BUB1B: variants seen among roughly 807,000 people sequenced by gnomAD.
The protein encoded by BUB1B is BUB1 mitotic checkpoint serine/threonine kinase B, also known as mitotic checkpoint serine/threonine-protein kinase BUB1 beta.
Under a neutral mutation model 137.7 loss-of-function variants are expected in BUB1B, and 86 were observed. The ratio of observed to expected loss-of-function variants is 0.62; its 90% CI spans 0.52 to 0.75. The LOEUF is 0.75. BUB1B is among the 30% of genes least tolerant of loss of function. BUB1B has a pLI of 0.00. For synonymous variants in BUB1B, 420 were observed against 417.9 expected, an observed-to-expected ratio of 1.00 and a Z score of -0.06; for missense variants, 1,130 against 1,236.9, an observed-to-expected ratio of 0.91 and a Z score of 1.30.
intron 20 of BUB1B, among the ~76,000 whole-genome samples, chr15:40,216,794 A>G (rs2140910757): frequency 6.6e-6 from 1 of 151,944 alleles, no homozygotes; most frequent in African/African-American, 2.4e-5. Context: ...CAAAAGGAAC[A>G]CATGAAAACC....
At chr15:40,185,443 G>GT in intron 7 of BUB1B, 64 bp downstream of exon 7, 1 of 1,596,214 alleles carries the variant, frequency 6.3e-7, no homozygotes, top group African/African-American at 1.3e-5. Context: ...GGGTAGAGAA[G>GT]TATTTTTACC....
chr15:40,187,811 G>A (rs1478285117), intron 8 of BUB1B, among the ~76,000 whole-genome samples: 1 of 151,502 alleles, frequency 6.6e-6, no homozygotes, highest in Non-Finnish European at 1.5e-5. Context: ...TGGGAGGCTA[G>A]GGATCACTTG....
intron 4 of BUB1B, among the ~76,000 whole-genome samples, chr15:40,175,422 ATGGTTAAG>A (rs1047167251): frequency 6.6e-6 from 1 of 152,214 alleles, no homozygotes; most frequent in African/African-American, 2.4e-5. Context: ...ATTAAAAATA[ATGGTTAAG>A]TGTAAGCAGC....
At chr15:40,163,380 C>T (rs1456281233) in intron 1 of BUB1B, among the ~76,000 whole-genome samples, 1 of 152,168 alleles carries the variant, frequency 6.6e-6, no homozygotes, top group Admixed American at 6.5e-5. Flanking sequence ...TCAAGACCAG[C>T]CTGGGCAACA....
chr15:40,217,637 G>T lies in BUB1B; in HGVS notation c.2820G>T (p.Lys940Asn), dbSNP rs749583931. Residue 940 changes from lysine to asparagine, a missense_variant, in exon 21 of 23, where the codon AAG (lysine) becomes AAT (asparagine). Coordinates refer to ENST00000287598, the MANE Select transcript of BUB1B (RefSeq NM_001211.6). The stretch of plus-strand genomic sequence containing the variant: ...CTGTACAGATCCTGGAAGGACAAAA[G>T]ATCCTGGCTAACTGTTCTTCTCCCT... ...FRTVQILEGQKILANCSSPYQ... is the reference protein window; with the variant it reads ...FRTVQILEGQNILANCSSPYQ... 6.2e-7 allele frequency: 1 copy of T among 1,614,192 alleles called. No homozygotes were observed. Among genetic ancestry groups the T allele is most frequent in the Non-Finnish European group, 8.5e-7 (1 of 1,180,028 alleles).
At chr15:40,168,268 G>C (rs970397885) in intron 2 of BUB1B, among the ~76,000 whole-genome samples, 2 of 152,138 alleles carry the variant, frequency 1.3e-5, no homozygotes, top group African/African-American at 4.8e-5. Context: ...TCGGGAGGCT[G>C]AGGTAGGAGA....
chr15:40,185,234 T>C lies in BUB1B; in HGVS notation c.821T>C (p.Val274Ala), dbSNP rs199743655. ...QQMQNNSRIT[V>A]FDENADEAST... is the part of the protein sequence containing the mutation. ...ATGCAAAATAATAGTAGAATTACTGTTTTTGATGAAAATGCTGATGAGGCT... is the reference window on the plus strand; with the variant it reads ...ATGCAAAATAATAGTAGAATTACTGCTTTTGATGAAAATGCTGATGAGGCT... The change falls in exon 7 of 23, where the codon GTT (valine) becomes GCT (alanine). Residue 274 changes from valine (V) to alanine (A), a missense_variant. By Grantham distance (64) the Val-to-Ala change is moderately conservative. Transcript: ENST00000287598. 1.2e-6 allele frequency: 2 copies of C among 1,614,102 alleles called. No individual in the cohort carries two copies. Among genetic ancestry groups the C allele is most frequent in the Non-Finnish European group, 1.7e-6 (2 of 1,179,982 alleles).
chr15:40,200,907 G>A, intron 11 of BUB1B, 24 bp from the exon 12 acceptor site: 1 of 1,611,340 alleles, frequency 6.2e-7, no homozygotes, highest in Non-Finnish European at 8.5e-7. Flanking sequence ...TTGAGCACAT[G>A]ATTTAAAACA....
chr15:40,161,107 C>G lies in BUB1B; in HGVS notation c.-114C>G, dbSNP rs2037037405. 1.4e-6 allele frequency: 2 copies of G among 1,396,038 alleles called. No individual in the cohort carries two copies. Among genetic ancestry groups the G allele is most frequent in the South Asian group, 1.3e-5 (1 of 74,902 alleles). 86.5% of individuals were successfully genotyped at this position (1,396,038 alleles called of 1,614,324 possible). ...GGCCGGTTTGTTAGGGAGTCGTGTA[C>G]GTGCCTTGGTCGCTTCTGTAGCTCC... On this transcript the variant is annotated 5_prime_UTR_variant, in exon 1 of 23. Coordinates refer to ENST00000287598, the MANE Select transcript of BUB1B (RefSeq NM_001211.6).
chr15:40,213,338 C>T lies in BUB1B; in HGVS notation c.2542C>T (p.Leu848Phe), dbSNP rs766745181. 4.3e-6 allele frequency: 7 copies of T among 1,613,704 alleles called. No homozygotes were observed. In the South Asian group the frequency reaches 7.7e-5, roughly 18 times the overall value. The change falls in exon 20 of 23, where the codon CTC (leucine) becomes TTC (phenylalanine). Residue 848 changes from leucine (L) to phenylalanine (F), a missense_variant. By Grantham distance (22) the Leu-to-Phe change is conservative. Transcript: ENST00000287598. ...YINCFTLQDLLQHSEYITHEI... is the reference protein window; with the variant it reads ...YINCFTLQDLFQHSEYITHEI... ...TCTGTCCTTCAATTTCCAGGATCTT[C>T]TCCAACACAGTGAATATATTACCCA...
chr15:40,185,601 T>G lies in BUB1B; in HGVS notation c.1017T>G (p.Ser339Arg). ...SLIAVPAVLP[S>R]FTPYVEETAR... is the part of the protein sequence containing the mutation. Reference sequence around the variant, plus strand: ...TAGCTGTACCCGCTGTGCTTCCCAGTTTCACTCCATATGTGGAAGAGACTG... The same window carrying G: ...TAGCTGTACCCGCTGTGCTTCCCAGGTTCACTCCATATGTGGAAGAGACTG... The change falls in exon 8 of 23, where the codon AGT becomes AGG. Residue 339 changes from serine (S) to arginine (R), a missense_variant. Coordinates refer to ENST00000287598, the MANE Select transcript of BUB1B (RefSeq NM_001211.6). The G allele has an allele frequency of 1.2e-6, 2 of 1,614,214 alleles. No homozygotes were observed. Among genetic ancestry groups the G allele is most frequent in the Non-Finnish European group, 1.7e-6 (2 of 1,180,020 alleles).
intron 14 of BUB1B, among the ~76,000 whole-genome samples, chr15:40,203,973 T>C (rs1469643387): frequency 6.6e-6 from 1 of 152,210 alleles, no homozygotes; most frequent in East Asian, 1.9e-4. Context: ...AGGGAATCAT[T>C]TGGAGGAAGT....
chr15:40,180,642 C>CTTT (rs71132149), intron 5 of BUB1B, among the ~76,000 whole-genome samples: 75 of 65,786 alleles, frequency 1.1e-3, no homozygotes, highest in African/African-American at 2.0e-3. Context: ...TTTTCTTTTT[C>CTTT]TTTTTTTTTT....
chr15:40,216,085 A>C (rs998367266), intron 20 of BUB1B, among the ~76,000 whole-genome samples: 3 of 152,158 alleles, frequency 2.0e-5, no homozygotes, highest in African/African-American at 2.4e-5. Flanking sequence ...ACCTTCATGC[A>C]TGCTTCTTTT....
intron 14 of BUB1B, among the ~76,000 whole-genome samples, chr15:40,204,050 C>G (rs973844481): frequency 1.3e-5 from 2 of 152,158 alleles, no homozygotes; most frequent in Non-Finnish European, 2.9e-5. Flanking sequence ...CAGTAAACTG[C>G]ACAAATATTG....
chr15:40,206,800 G>T (rs980334090), intron 15 of BUB1B, among the ~76,000 whole-genome samples: 1 of 152,034 alleles, frequency 6.6e-6, no homozygotes, highest in Admixed American at 6.6e-5. Context: ...GATAGCTTTT[G>T]TTAATTTTAT....
At chr15:40,207,548 G>GA (rs546258151) in intron 15 of BUB1B, among the ~76,000 whole-genome samples, 5 of 151,598 alleles carry the variant, frequency 3.3e-5, no homozygotes, top group South Asian at 2.1e-4. Flanking sequence ...TCTTCTTGAA[G>GA]AAAAAAAAGT....
chr15:40,211,253 G>A (rs1043528887), intron 18 of BUB1B, among the ~76,000 whole-genome samples: 44 of 151,732 alleles, frequency 2.9e-4, no homozygotes, highest in African/African-American at 1.0e-3. Context: ...TTACCCCTTT[G>A]TCATCTGTTT....
chr15:40,212,014 C>T lies in BUB1B; in HGVS notation c.2386-485C>T, dbSNP rs186093862. Reference sequence around the variant, plus strand: ...TAATTTTTTGTATTTTTAGCAGAGACGGGGTTTCACCCCTTCATAATCATT... The same window carrying T: ...TAATTTTTTGTATTTTTAGCAGAGATGGGGTTTCACCCCTTCATAATCATT... On this transcript the variant is annotated intron_variant, in intron 18 of 22. Transcript: ENST00000287598. Among the ~76,000 whole-genome samples, 205 of 152,304 alleles carry T rather than the reference C, an allele frequency of 1.3e-3. 1 individual carries two copies. Among genetic ancestry groups the T allele is most frequent in the African/African-American group, 4.8e-3 (200 of 41,582 alleles).
Sources: gnomAD v4.1 joint callset for allele counts (sites outside exome capture counted in the v4.1 genomes callset) on GRCh38, gnomAD v4.1.1 for gene constraint, MANE v1.5 for transcripts, NCBI Gene and HGNC (gene_info 2026-07-23, HGNC 2026-07-21) for gene names.